Variants in FRYL observed in about 807,000 individuals in gnomAD.
The protein encoded by FRYL is FRY like transcription coactivator.
In FRYL, 150 loss-of-function variants were observed where a neutral mutation model predicts 351.2. That is an observed-to-expected ratio of 0.43 (90% CI 0.37 to 0.49). FRYL has a LOEUF of 0.49. Ranked by LOEUF, FRYL falls within the 20% of genes least tolerant of loss-of-function variation. The probability of loss-of-function intolerance (pLI) is 0.00; values close to 1 mark genes in which losing one functional copy is unlikely to be tolerated. For missense variants in FRYL, 3,036 were observed against 3,619.3 expected (o/e 0.84, Z 4.13); for synonymous variants, 1,153 against 1,257.1 (o/e 0.92, Z 1.75).
intron 1 of FRYL, among the ~76,000 whole-genome samples, chr4:48,712,817 G>A (rs1768257983): frequency 6.6e-6 from 1 of 152,060 alleles, no homozygotes; most frequent in Non-Finnish European, 1.5e-5. Context: ...AAATGTTAAG[G>A]GCAGCCAGAG....
rs58696045 is a variant in FRYL at position 48,674,736 on chromosome 4, C to CAAAAAAAAA, written c.-81+9928_-81+9936dup. 3.0e-3 allele frequency among the ~76,000 whole-genome samples: 167 copies of CAAAAAAAAA among 55,756 alleles called. 24 individuals are homozygous for CAAAAAAAAA. Among genetic ancestry groups the CAAAAAAAAA allele is most frequent in the African/African-American group, 0.011 (131 of 12,212 alleles). 36.6% of individuals were successfully genotyped at this position (55,756 alleles called of 152,430 possible). On this transcript the variant is annotated intron_variant, in intron 3 of 63. Coordinates refer to ENST00000358350, the MANE Select transcript of FRYL (RefSeq NM_015030.2). ...AGGGCGACAGAGCAAGACTCTGTCTCAAAAAAAAAAAAAAAAAAAAATAGC... is the reference window on the plus strand; with the variant it reads ...AGGGCGACAGAGCAAGACTCTGTCTCAAAAAAAAAAAAAAAAAAAAAAAAAAAAAATAGC...
At chr4:48,750,738 G>C (rs1489717821) in intron 1 of FRYL, among the ~76,000 whole-genome samples, 1 of 152,190 alleles carries the variant, frequency 6.6e-6, no homozygotes, top group Non-Finnish European at 1.5e-5. Flanking sequence ...AAAAATTATG[G>C]AGAGGGAGCT....
chr4:48,508,159 C>T (rs1721688761), intron 59 of FRYL, among the ~76,000 whole-genome samples: 1 of 152,106 alleles, frequency 6.6e-6, no homozygotes, highest in Non-Finnish European at 1.5e-5. Context: ...ATTTTATTTA[C>T]AAAAATAGGC....
At chr4:48,730,980 C>T (rs1770656547) in intron 1 of FRYL, among the ~76,000 whole-genome samples, 2 of 151,962 alleles carry the variant, frequency 1.3e-5, no homozygotes, top group South Asian at 2.1e-4. Context: ...AACCACATCA[C>T]GTGCAACGCC....
In FRYL at chr4:48,505,881, A is replaced by C. The variant is rs553325104; in HGVS notation, c.8395-266T>G. The stretch of plus-strand genomic sequence containing the variant: ...CTAGGGACCTGTGATGTTCCATTTC[A>C]GTAAAGGATATTCTTCATTTTGCAG... On this transcript the variant is annotated intron_variant, in intron 59 of 63. Transcript: ENST00000358350. 1.1e-5 allele frequency: 4 copies of C among 348,672 alleles called. No homozygotes were observed. In the South Asian group the frequency reaches 2.7e-4, roughly 23 times the overall value. The allele number at this position is 348,672 out of a possible 1,614,324, so 21.6% of individuals were successfully genotyped here. A position where few individuals can be genotyped will look rare whatever the true frequency, so the allele number is the denominator to read the frequency against.
At chr4:48,544,066 G>C in intron 43 of FRYL, 69 bp from the exon 44 acceptor site, 1 of 1,346,516 alleles carries the variant, frequency 7.4e-7, no homozygotes, top group East Asian at 2.4e-5. Flanking sequence ...ATAATCAGAA[G>C]TGAATCATCT....
chr4:48,672,074 A>T (rs1762848554), intron 3 of FRYL, among the ~76,000 whole-genome samples: 1 of 152,156 alleles, frequency 6.6e-6, no homozygotes, highest in African/African-American at 2.4e-5. Context: ...CATCCAAATA[A>T]AAATCAAGAA....
At chr4:48,745,191 G>A (rs2149655154) in intron 1 of FRYL, among the ~76,000 whole-genome samples, 1 of 152,298 alleles carries the variant, frequency 6.6e-6, no homozygotes, top group South Asian at 2.1e-4. Context: ...GGAAGACAGT[G>A]TGGCGACTCC....
chr4:48,732,720 G>T (rs1235944736), intron 1 of FRYL, among the ~76,000 whole-genome samples: 2 of 127,072 alleles, frequency 1.6e-5, no homozygotes, highest in Non-Finnish European at 3.1e-5. Context: ...AGTAGGAGAT[G>T]AACAATGAGA....
intron 50 of FRYL, among the ~76,000 whole-genome samples, chr4:48,530,063 T>C (rs1218702174): frequency 6.6e-6 from 1 of 152,180 alleles, no homozygotes; most frequent in Non-Finnish European, 1.5e-5. Context: ...CAAGTTTTCC[T>C]CTAAAACTTC....
intron 3 of FRYL, chr4:48,637,399 A>AGCTTCCATATAACTAGACTAACT (rs1754455603): frequency 6.6e-6 from 1 of 152,104 alleles, no homozygotes; most frequent in Non-Finnish European, 1.5e-5. Context: ...AAGAAAAGCT[A>AGCTTCCATATAACTAGACTAACT]GCTTCCATAT....
At chr4:48,675,867 A>G (rs1338291208) in intron 3 of FRYL, among the ~76,000 whole-genome samples, 2 of 152,288 alleles carry the variant, frequency 1.3e-5, no homozygotes, top group Admixed American at 1.3e-4. Context: ...TACACCAATC[A>G]GCACTCTGTA....
chr4:48,668,387 A>T (rs1338409011), intron 3 of FRYL, among the ~76,000 whole-genome samples: 6 of 121,464 alleles, frequency 4.9e-5, no homozygotes, highest in South Asian at 5.1e-4. Flanking sequence ...TCAAAAAATT[A>T]AAAAAAAAAA....
At chr4:48,557,178 T>A in intron 34 of FRYL, 60 bp from the exon 35 acceptor site, 1 of 1,524,708 alleles carries the variant, frequency 6.6e-7, no homozygotes, top group Admixed American at 1.9e-5. Context: ...AAAACCAAAC[T>A]TGTCATACCA....
In FRYL at chr4:48,736,370, T is replaced by C. The variant is rs555366502; in HGVS notation, c.-383-25672A>G. Among the ~76,000 whole-genome samples the C allele has an allele frequency of 2.6e-5, 4 of 151,828 alleles. No individual in the cohort carries two copies. In the East Asian group the frequency reaches 5.8e-4, roughly 22 times the overall value. On this transcript the variant is annotated intron_variant, in intron 1 of 63. Transcript: ENST00000358350. ...AGAAAAATAAAAATTAGAGTGGAAA[T>C]CAACAAAATTGAAAACAGGAAATAG...
Position 48,540,921 on chromosome 4 carries a change from T to C in FRYL, c.5727A>G (p.Ala1909=). ...GTTGTCCAGTGCTTTTCCTGTTAGC[T>C]GCATACTTGTTTCCCATTATAGGAT... ...YHDPIMGNKY[A]ANRKSTGQLN... Residue 1909 remains alanine (A), a synonymous_variant, in exon 46 of 64, where the codon GCA becomes GCG. Transcript: ENST00000358350. 6.2e-7 allele frequency: 1 copy of C among 1,607,930 alleles called. No individual in the cohort carries two copies.
chr4:48,563,765 A>T lies in FRYL; in HGVS notation c.3596+183T>A, dbSNP rs1459912995. Among the ~76,000 whole-genome samples, 3 of 152,188 alleles carry T rather than the reference A, an allele frequency of 2.0e-5. No individual in the cohort carries two copies. In the South Asian group the frequency reaches 6.2e-4, roughly 32 times the overall value. On this transcript the variant is annotated intron_variant, in intron 31 of 63. Coordinates refer to ENST00000358350, the MANE Select transcript of FRYL (RefSeq NM_015030.2). ...TGCATAGAGTAAATACAAATACTAC[A>T]GCATTTTATATAGAAGGCTAGAGCA...
chr4:48,532,548 C>G (rs1309354844), intron 49 of FRYL, among the ~76,000 whole-genome samples: 1 of 152,102 alleles, frequency 6.6e-6, no homozygotes, highest in Admixed American at 6.6e-5. Context: ...ATTCTAGCTA[C>G]TTGGGAGGCT....
intron 7 of FRYL, among the ~76,000 whole-genome samples, chr4:48,610,720 CAT>C (rs1747960137): frequency 7.1e-6 from 1 of 140,680 alleles, no homozygotes; most frequent in Non-Finnish European, 1.5e-5. Flanking sequence ...ATATTATATA[CAT>C]ATATTATATA....
Sources: gnomAD v4.1 joint callset for allele counts (sites outside exome capture counted in the v4.1 genomes callset) on GRCh38, gnomAD v4.1.1 for gene constraint, MANE v1.5 for transcripts, NCBI Gene and HGNC (gene_info 2026-07-23, HGNC 2026-07-21) for gene names.